The following ARHGAP24 variants were observed in gnomAD, a reference collection of about 807,000 sequenced individuals.
ARHGAP24 encodes rho GTPase-activating protein 24.
Under a neutral mutation model 76.4 loss-of-function variants are expected in ARHGAP24, and 50 were observed. The ratio of observed to expected loss-of-function variants is 0.65; its 90% CI spans 0.52 to 0.83. ARHGAP24 has a LOEUF of 0.83. Ranked by LOEUF, ARHGAP24 falls within the 40% of genes least tolerant of loss-of-function variation. The pLI is 0.00. For missense variants in ARHGAP24, 930 were observed against 914.2 expected (o/e 1.02, Z -0.22); for synonymous variants, 345 against 323.3 (o/e 1.07, Z -0.72).
At chr4:85,694,677 G>A (rs143967465) in intron 2 of ARHGAP24, among the ~76,000 whole-genome samples, 83 of 152,122 alleles carry the variant, frequency 5.5e-4, no homozygotes, top group African/African-American at 1.7e-3. Flanking sequence ...GTGTGTGTGT[G>A]TATATGTGTT....
intron 2 of ARHGAP24, among the ~76,000 whole-genome samples, chr4:85,575,121 T>C (rs1396040011): frequency 6.6e-6 from 1 of 152,176 alleles, no homozygotes; most frequent in African/African-American, 2.4e-5. Context: ...ATCCTCATTA[T>C]CCTGTAATTT....
chr4:85,905,431 T>C (rs752736919), intron 3 of ARHGAP24, among the ~76,000 whole-genome samples: 2 of 152,220 alleles, frequency 1.3e-5, no homozygotes, highest in Non-Finnish European at 2.9e-5. Context: ...TCTTACATAC[T>C]ATATGAATAT....
chr4:85,863,227 A>AT (rs1732002228), intron 3 of ARHGAP24, among the ~76,000 whole-genome samples: 1 of 151,752 alleles, frequency 6.6e-6, no homozygotes, highest in Non-Finnish European at 1.5e-5. Flanking sequence ...CCACAGGCCT[A>AT]TTTTTCTTTG....
intron 3 of ARHGAP24, among the ~76,000 whole-genome samples, chr4:85,784,233 C>G (rs1053869274): frequency 6.6e-6 from 1 of 151,966 alleles, no homozygotes; most frequent in Non-Finnish European, 1.5e-5. Flanking sequence ...TGAAATAGTT[C>G]TGTCTTTTGA....
In ARHGAP24 at chr4:85,935,393, A is replaced by G. The variant is rs187103653; in HGVS notation, c.392-6673A>G. ...TCTATTAAGTTGTAGGTGCCCCTGA[A>G]CAAAAGGCTGACCACAGGCTCCTGT... On this transcript the variant is annotated intron_variant, in intron 4 of 9. Transcript: ENST00000395184. Among the ~76,000 whole-genome samples, 30 of 152,314 alleles carry G rather than the reference A, an allele frequency of 2.0e-4. 1 individual carries two copies. The highest frequency in any genetic ancestry group is 1.8e-3 in the Admixed American group (27 of 15,300).
chr4:85,626,976 T>C (rs1720978729), intron 2 of ARHGAP24, among the ~76,000 whole-genome samples: 2 of 152,126 alleles, frequency 1.3e-5, no homozygotes, highest in South Asian at 4.1e-4. Context: ...TATCCATTCG[T>C]CTAATTTTTT....
chr4:85,578,982 C>T (rs1578051100), intron 2 of ARHGAP24, among the ~76,000 whole-genome samples: 1 of 152,244 alleles, frequency 6.6e-6, no homozygotes, highest in East Asian at 1.9e-4. Context: ...GAACTTATTA[C>T]ATGGAAAGAT....
At chr4:85,485,366 AAAAAAAAAAAATATATATATATAT>A (rs1722993547) in intron 1 of ARHGAP24, among the ~76,000 whole-genome samples, 2 of 62,398 alleles carry the variant, frequency 3.2e-5, no homozygotes, top group African/African-American at 1.5e-4. Flanking sequence ...AAAAAAAAAA[AAAAAAAAAAAATATATATATATAT>A]ATATATATAT....
chr4:85,827,745 T>G (rs1729791463), intron 3 of ARHGAP24: 6 of 374,194 alleles, frequency 1.6e-5, no homozygotes, highest in South Asian at 1.3e-4. Flanking sequence ...GGACTCAGCG[T>G]TTTTACCTGA....
chr4:85,797,469 G>A (rs1728407376), intron 3 of ARHGAP24, among the ~76,000 whole-genome samples: 1 of 152,172 alleles, frequency 6.6e-6, no homozygotes, highest in East Asian at 1.9e-4. Flanking sequence ...CACTGCGCCC[G>A]GCCGGCAAAG....
intron 2 of ARHGAP24, among the ~76,000 whole-genome samples, chr4:85,646,558 T>A (rs933977778): frequency 2.0e-5 from 3 of 152,076 alleles, no homozygotes; most frequent in African/African-American, 7.2e-5. Context: ...AGTTCAAAAG[T>A]CATTTTTCAA....
At position 85,916,601 on chromosome 4, in the gene ARHGAP24, T is replaced by C. The variant is rs774113032; in HGVS notation, c.269-7047T>C. On this transcript the variant is annotated intron_variant, in intron 3 of 9. Coordinates refer to ENST00000395184, the MANE Select transcript of ARHGAP24 (RefSeq NM_001025616.3). ...ACAATTAAATGACATAAATTTCCAG[T>C]ATTTTTCTGTAGTCTGTAATAAAAT... Among the ~76,000 whole-genome samples, 8 of 152,298 alleles carry C rather than the reference T, an allele frequency of 5.3e-5. No individual in the cohort carries two copies. In the East Asian group the frequency reaches 9.7e-4, roughly 18 times the overall value.
Position 85,968,068 on chromosome 4 carries a change from CT to C in ARHGAP24, c.600-3965del, listed in dbSNP as rs1738737739. 3.3e-5 allele frequency among the ~76,000 whole-genome samples: 5 copies of C among 152,142 alleles called. No individual in the cohort carries two copies. The South Asian group carries it at 1.0e-3, about 32-fold the overall frequency. On this transcript the variant is annotated intron_variant, in intron 5 of 9. Coordinates refer to ENST00000395184, the MANE Select transcript of ARHGAP24 (RefSeq NM_001025616.3). ...CTATTTGTTCCTAGTTAGGTTTTCA[CT>C]TTGTTTTTGGTACTGAGTTAGGTTG...
At chr4:85,982,843 G>A (rs1181189773) in intron 8 of ARHGAP24, among the ~76,000 whole-genome samples, 2 of 152,092 alleles carry the variant, frequency 1.3e-5, no homozygotes, top group Non-Finnish European at 2.9e-5. Context: ...GTGCCATGGT[G>A]ATTTGCTGTG....
rs115295888 is a variant in ARHGAP24 at position 85,510,485 on chromosome 4, C to T, written c.-21+34926C>T. ...TCTCTCTACCCGTTTGCCTTCTTCC[C>T]TTCTTTTTCCTTCTCTCCCTCCCCT... On this transcript the variant is annotated intron_variant, in intron 1 of 9. Transcript: ENST00000395184. Among the ~76,000 whole-genome samples, 1,161 of 151,368 alleles carry T rather than the reference C, an allele frequency of 7.7e-3. 10 individuals are homozygous for T. The highest frequency in any genetic ancestry group is 0.026 in the African/African-American group (1,090 of 41,168).
At chr4:85,678,976 CA>C (rs1723099476) in intron 2 of ARHGAP24, among the ~76,000 whole-genome samples, 1 of 152,102 alleles carries the variant, frequency 6.6e-6, no homozygotes, top group South Asian at 2.1e-4. Flanking sequence ...CAGATTAACA[CA>C]AGAAAAGATA....
chr4:85,953,100 T>C lies in ARHGAP24; in HGVS notation c.599+10827T>C, dbSNP rs139492342. ...TGGCAGTGTGGTCACCATCCTAGCATTAACTGCTGGGCAACAGAATACGCT... is the reference window on the plus strand; with the variant it reads ...TGGCAGTGTGGTCACCATCCTAGCACTAACTGCTGGGCAACAGAATACGCT... On this transcript the variant is annotated intron_variant, in intron 5 of 9. Coordinates refer to ENST00000395184, the MANE Select transcript of ARHGAP24 (RefSeq NM_001025616.3). 3.9e-3 allele frequency among the ~76,000 whole-genome samples: 587 copies of C among 152,266 alleles called. 2 individuals are homozygous for C. The highest frequency in any genetic ancestry group is 0.014 in the African/African-American group (572 of 41,550).
At position 85,475,439 on chromosome 4, in the gene ARHGAP24, T is replaced by C. The variant is rs1722538156; in HGVS notation, c.-141T>C. On this transcript the variant is annotated 5_prime_UTR_variant, in exon 1 of 10. Coordinates refer to ENST00000395184, the MANE Select transcript of ARHGAP24 (RefSeq NM_001025616.3). ...TAGAGTTCAACACTTCCCCTTGTTG[T>C]GGAAAGTAAAGGAGCCTCACTACCA... 6.6e-6 allele frequency: 1 copy of C among 152,634 alleles called. No individual in the cohort carries two copies. The highest frequency in any genetic ancestry group is 2.4e-5 in the African/African-American group (1 of 41,496). The allele number at this position is 152,634 out of a possible 1,614,324, so 9.5% of individuals were successfully genotyped here. A position where few individuals can be genotyped will look rare whatever the true frequency, so the allele number is the denominator to read the frequency against.
At chr4:85,486,868 G>A (rs28488314) in intron 1 of ARHGAP24, among the ~76,000 whole-genome samples, 14,071 of 151,906 alleles carry the variant, frequency 0.093, 2,094 homozygotes, top group African/African-American at 0.32. Flanking sequence ...TAACAGTGCT[G>A]TACAATATAC....
Sources: allele counts gnomAD v4.1 joint callset (sites outside exome capture counted in the v4.1 genomes callset), GRCh38; gene constraint gnomAD v4.1.1; transcripts MANE v1.5; gene names NCBI Gene and HGNC (gene_info 2026-07-23, HGNC 2026-07-21).